ITIH2: variants seen among roughly 807,000 people sequenced by gnomAD.
ITIH2 encodes the protein inter-alpha-trypsin inhibitor heavy chain 2, also known as inter-alpha-trypsin inhibitor heavy chain H2.
A neutral mutation model predicts 104.4 loss-of-function variants in ITIH2; 103 were observed. The ratio of observed to expected loss-of-function variants is 0.99; its 90% confidence interval spans 0.84 to 1.16. The LOEUF (loss-of-function observed/expected upper bound fraction) is 1.16. Among genes scored for constraint, ITIH2 ranks in the 50% most tolerant of loss-of-function variants. The pLI is 0.00. For synonymous variants in ITIH2, 436 were observed against 435.4 expected, an observed-to-expected ratio of 1.00 and a Z score of -0.02; for missense variants, 1,108 against 1,162.4, an observed-to-expected ratio of 0.95 and a Z score of 0.68.
At chr10:7,732,690 T>C (rs1180105663) in intron 14 of ITIH2, among the ~76,000 whole-genome samples, 2 of 152,010 alleles carry the variant, frequency 1.3e-5, no homozygotes, top group Non-Finnish European at 2.9e-5. Context: ...CAGTAAAGTA[T>C]GCAAAATGCA....
chr10:7,743,250 C>T lies in ITIH2; in HGVS notation c.2200C>T (p.Pro734Ser). Residue 734 changes from proline to serine, a missense_variant, in exon 17 of 21, where the codon CCA becomes TCA. Transcript: ENST00000358415. ...PGKILNLVSD[P>S]ESGIVVNGQL... is the part of the protein sequence containing the mutation. ...AAAAATCCTCAACCTGGTTTCTGAC[C>T]CAGAATCAGGTAAAATAAAAATAAA... 1 of 1,533,128 alleles carries T rather than the reference C, an allele frequency of 6.5e-7. No homozygotes were observed. The allele number at this position is 1,533,128 out of a possible 1,614,324, so 95.0% of individuals were successfully genotyped here.
chr10:7,744,299 G>T lies in ITIH2; in HGVS notation c.2408+19G>T. On this transcript the variant is annotated intron_variant, in intron 18 of 20. Transcript: ENST00000358415. ...ATCAGAGGCAAGTATGATTCCATCT[G>T]AACTTGGGCCTGTCCGTGACACACG... is the stretch of plus-strand genomic sequence containing the variant. The T allele has an allele frequency of 6.2e-7, 1 of 1,605,248 alleles. No individual in the cohort carries two copies. Among genetic ancestry groups the T allele is most frequent in the South Asian group, 1.1e-5 (1 of 90,700 alleles).
rs1835076296 is a variant in ITIH2 at position 7,737,698 on chromosome 10, TAATATTC to T, written c.1958-922_1958-916del. On this transcript the variant is annotated intron_variant, in intron 15 of 20. Transcript: ENST00000358415. ...TATATTTTCTATATTATATTCTATA[TAATATTC>T]TATATTATATTCTATATAATATTCT... 4.8e-4 allele frequency among the ~76,000 whole-genome samples: 18 copies of T among 37,446 alleles called. 3 individuals are homozygous for T. The highest frequency in any genetic ancestry group is 5.9e-4 in the Non-Finnish European group (15 of 25,432). The allele number at this position is 37,446 out of a possible 152,430, so 24.6% of individuals were successfully genotyped here.
intron 20 of ITIH2, 60 bp from the exon 21 acceptor site, chr10:7,749,127 G>C: frequency 6.5e-7 from 1 of 1,532,596 alleles, no homozygotes; most frequent in Non-Finnish European, 9.0e-7. Context: ...AGGAAAAGAG[G>C]GAGTCTTGTG....
rs1835212706 is a variant in ITIH2, at chr10:7,749,167, CAT to C, written c.2694-19_2694-18del. On this transcript the variant is annotated intron_variant, in intron 20 of 20. Coordinates refer to ENST00000358415, the MANE Select transcript of ITIH2 (RefSeq NM_002216.3). ...GAGGTGCTCAGTCTCCCCCTAACCA[CAT>C]GCCTTGCTTCCTTGCAGGGGCTTAC... 1.2e-6 allele frequency: 2 copies of C among 1,613,702 alleles called. No homozygotes were observed. Among genetic ancestry groups the C allele is most frequent in the Non-Finnish European group, 1.7e-6 (2 of 1,179,730 alleles).
At chr10:7,717,823 G>C in intron 6 of ITIH2, 35 bp downstream of exon 6, 1 of 1,587,036 alleles carries the variant, frequency 6.3e-7, no homozygotes, top group Non-Finnish European at 8.6e-7. Context: ...CAGTGACACT[G>C]TCCTTTTATA....
Position 7,730,101 on chromosome 10 carries a change from T to C in ITIH2, c.1429T>C (p.Tyr477His). The C allele has an allele frequency of 1.9e-6, 3 of 1,608,138 alleles. No individual in the cohort carries two copies. Among genetic ancestry groups the C allele is most frequent in the Non-Finnish European group, 2.5e-6 (3 of 1,178,290 alleles). ...NENHGIAQRIYGNQDTSSQLK... is the reference protein window; with the variant it reads ...NENHGIAQRIHGNQDTSSQLK... ...AAACCATGGAATTGCACAAAGGATT[T>C]ATGGAAACCAGGACACGTCTTCCCA... The change falls in exon 12 of 21, where the codon TAT becomes CAT. Residue 477 changes from tyrosine (Y) to histidine (H), a missense_variant. By Grantham distance (83) the Tyr-to-His change is moderately conservative. Transcript: ENST00000358415.
intron 1 of ITIH2, 144 bp downstream of exon 1, chr10:7,703,662 T>C: frequency 1.6e-6 from 1 of 617,538 alleles, no homozygotes; most frequent in Non-Finnish European, 2.9e-6. Context: ...TTTACTGTTA[T>C]AATTACTGGA....
chr10:7,732,235 T>G, intron 13 of ITIH2, 103 bp from the exon 14 acceptor site: 1 of 1,337,746 alleles, frequency 7.5e-7, no homozygotes, highest in Non-Finnish European at 1.0e-6. Context: ...TGCCTTCCAT[T>G]TCTTTTTTAT....
intron 20 of ITIH2, among the ~76,000 whole-genome samples, chr10:7,747,879 A>C (rs1209292188): frequency 6.6e-6 from 1 of 150,796 alleles, no homozygotes; most frequent in East Asian, 2.0e-4. Context: ...AGCTTGGGTA[A>C]CAGAGAGAGA....
intron 19 of ITIH2, 139 bp downstream of exon 19, chr10:7,745,102 G>C (rs1247235771): frequency 3.0e-6 from 2 of 676,546 alleles, no homozygotes; most frequent in Non-Finnish European, 4.9e-6. Flanking sequence ...GTGTGGGGTC[G>C]CTCGGGAATG....
At chr10:7,704,578 T>C (rs1356032315) in intron 1 of ITIH2, among the ~76,000 whole-genome samples, 2 of 152,176 alleles carry the variant, frequency 1.3e-5, no homozygotes, top group African/African-American at 4.8e-5. Flanking sequence ...ATCTCTGTCT[T>C]ACCACCTGCT....
At chr10:7,745,780 G>A (rs1196418048) in intron 19 of ITIH2, among the ~76,000 whole-genome samples, 1 of 151,048 alleles carries the variant, frequency 6.6e-6, no homozygotes, top group Non-Finnish European at 1.5e-5. Flanking sequence ...ATGAGATGGA[G>A]TTTCTCTCTT....
Position 7,749,400 on chromosome 10 carries a change from T to G in ITIH2, c.*66T>G. The G allele has an allele frequency of 1.5e-6, 2 of 1,374,630 alleles. No individual in the cohort carries two copies. Among genetic ancestry groups the G allele is most frequent in the East Asian group, 4.7e-5 (2 of 42,824 alleles). 85.2% of individuals were successfully genotyped at this position (1,374,630 alleles called of 1,614,324 possible). ...TTTCCCCTGTCACTTTTGCAGATAT[T>G]CTTCGGTTTGAATAATTAAAATGAA... On this transcript the variant is annotated 3_prime_UTR_variant, in exon 21 of 21. Transcript: ENST00000358415.
chr10:7,731,581 C>T (rs752191485), intron 12 of ITIH2, among the ~76,000 whole-genome samples: 9 of 152,052 alleles, frequency 5.9e-5, no homozygotes, highest in Non-Finnish European at 1.0e-4. Context: ...AAAAATTAGC[C>T]GGGCTTGGTG....
At chr10:7,736,466 T>G (rs973770422) in intron 15 of ITIH2, among the ~76,000 whole-genome samples, 4 of 152,202 alleles carry the variant, frequency 2.6e-5, no homozygotes, top group Non-Finnish European at 5.9e-5. Flanking sequence ...TAATATATTT[T>G]TATGCTTATT....
intron 6 of ITIH2, among the ~76,000 whole-genome samples, chr10:7,720,621 G>A (rs11255312): frequency 0.051 from 7,833 of 152,208 alleles, 638 homozygotes; most frequent in African/African-American, 0.17. Context: ...GTCGACTCCT[G>A]GGGGAGTGAG....
At chr10:7,719,801 A>G (rs1024171974) in intron 6 of ITIH2, among the ~76,000 whole-genome samples, 8 of 149,508 alleles carry the variant, frequency 5.4e-5, no homozygotes, top group African/African-American at 2.0e-4. Context: ...AGAAAAGAAA[A>G]AATAGCAGCT....
At chr10:7,744,703 T>C in intron 18 of ITIH2, 88 bp from the exon 19 acceptor site, 1 of 1,078,978 alleles carries the variant, frequency 9.3e-7, no homozygotes, top group Non-Finnish European at 1.3e-6. Context: ...CTGGGAGGAG[T>C]GAAGAGTTCA....
Sources: gnomAD v4.1 joint callset for allele counts (sites outside exome capture counted in the v4.1 genomes callset) on GRCh38, gnomAD v4.1.1 for gene constraint, MANE v1.5 for transcripts, NCBI Gene and HGNC (gene_info 2026-07-23, HGNC 2026-07-21) for gene names.